The following MOB3B variants were observed in gnomAD, a reference collection of about 807,000 sequenced individuals.
MOB3B encodes MOB kinase activator 3B.
Under a neutral mutation model 18.7 loss-of-function variants are expected in MOB3B, and 7 were observed. That is an observed-to-expected ratio of 0.37 (90% confidence interval 0.21 to 0.70). The LOEUF is 0.70. MOB3B is among the 30% of genes least tolerant of loss of function. MOB3B has a pLI of 0.52. For missense variants in MOB3B, 253 were observed against 281.3 expected (o/e 0.90, Z 0.72); for synonymous variants, 111 against 99.9 (o/e 1.11, Z -0.66).
At chr9:27,331,176 T>G (rs1820783624) in intron 3 of MOB3B, among the ~76,000 whole-genome samples, 1 of 152,186 alleles carries the variant, frequency 6.6e-6, no homozygotes, top group African/African-American at 2.4e-5. Flanking sequence ...GTGTCTGACA[T>G]GCGTCACCTG....
intron 2 of MOB3B, among the ~76,000 whole-genome samples, chr9:27,388,789 C>A (rs2131380020): frequency 6.6e-6 from 1 of 152,260 alleles, no homozygotes; most frequent in East Asian, 1.9e-4. Flanking sequence ...GTGCCTTGGC[C>A]ATCTCCCTTT....
chr9:27,387,034 C>A (rs1018694906), intron 2 of MOB3B, among the ~76,000 whole-genome samples: 7 of 152,108 alleles, frequency 4.6e-5, no homozygotes, highest in Admixed American at 6.5e-5. Flanking sequence ...CTTCTGCGTA[C>A]CAAAATAAAA....
chr9:27,485,056 C>T (rs1352880885), intron 1 of MOB3B, among the ~76,000 whole-genome samples: 1 of 152,090 alleles, frequency 6.6e-6, no homozygotes, highest in Non-Finnish European at 1.5e-5. Flanking sequence ...AAGTGTTTTG[C>T]GTGGCCAGAT....
At chr9:27,522,242 C>A (rs1460371187) in intron 1 of MOB3B, among the ~76,000 whole-genome samples, 22 of 56,026 alleles carry the variant, frequency 3.9e-4, no homozygotes, top group Middle Eastern at 0.029. Flanking sequence ...CCCCGTCTCA[C>A]AAAAAAAAAA....
intron 3 of MOB3B, among the ~76,000 whole-genome samples, chr9:27,335,413 A>G (rs1820849234): frequency 1.3e-5 from 2 of 152,314 alleles, no homozygotes; most frequent in Non-Finnish European, 1.5e-5. Context: ...GGGCTCTCTG[A>G]CTTCACATTG....
At chr9:27,455,802 A>T in intron 1 of MOB3B, 54 bp from the exon 2 acceptor site, 1 of 1,375,884 alleles carries the variant, frequency 7.3e-7, no homozygotes, top group Non-Finnish European at 9.4e-7. Flanking sequence ...CCTTTAAAAA[A>T]TGACAGTCTT....
At chr9:27,472,943 G>A (rs1033841083) in intron 1 of MOB3B, among the ~76,000 whole-genome samples, 4 of 152,202 alleles carry the variant, frequency 2.6e-5, no homozygotes, top group Non-Finnish European at 4.4e-5. Context: ...TCACTTTGGT[G>A]CATCTCAAAT....
rs146546515 is a variant in MOB3B, at chr9:27,433,831, A to G, written c.418+21302T>C. ...AATCACTGCCAAGAGTGACCTTTAC[A>G]GAGCCTGCAGAGGTCAAGCAGCCTT... On this transcript the variant is annotated intron_variant, in intron 2 of 3. Transcript: ENST00000262244. Among the ~76,000 whole-genome samples the G allele has an allele frequency of 2.4e-3, 370 of 152,336 alleles. 1 individual carries two copies. Among genetic ancestry groups the G allele is most frequent in the African/African-American group, 8.2e-3 (343 of 41,594 alleles).
chr9:27,418,108 A>AAAAAAAAAAAAAAAAAAAAAAAAAAAC, intron 2 of MOB3B, among the ~76,000 whole-genome samples: 1 of 150,056 alleles, frequency 6.7e-6, no homozygotes, highest in Non-Finnish European at 1.5e-5. Context: ...AAAAAAAAAA[A>AAAAAAAAAAAAAAAAAAAAAAAAAAAC]AAAAGTAATA....
chr9:27,482,029 T>C (rs531438633), intron 1 of MOB3B, among the ~76,000 whole-genome samples: 1 of 151,280 alleles, frequency 6.6e-6, no homozygotes, highest in Non-Finnish European at 1.5e-5. Flanking sequence ...AGAGATAAGA[T>C]GAAACAAATG....
intron 1 of MOB3B, among the ~76,000 whole-genome samples, chr9:27,468,778 A>C (rs999861364): frequency 2.0e-5 from 3 of 152,234 alleles, no homozygotes; most frequent in Non-Finnish European, 4.4e-5. Flanking sequence ...TTCTTTCTCC[A>C]GTTGAGAGGA....
At chr9:27,389,413 A>T (rs753393929) in intron 2 of MOB3B, among the ~76,000 whole-genome samples, 27 of 79,236 alleles carry the variant, frequency 3.4e-4, no homozygotes, top group Non-Finnish European at 4.5e-5. Context: ...CTTCTTTCCA[A>T]TTACTTGAAC....
intron 1 of MOB3B, among the ~76,000 whole-genome samples, chr9:27,486,659 C>G (rs780533719): frequency 2.6e-5 from 4 of 152,192 alleles, no homozygotes; most frequent in Non-Finnish European, 5.9e-5. Flanking sequence ...TTAGTTAGCT[C>G]TGGCCTTCTA....
At chr9:27,487,210 T>C (rs1819741952) in intron 1 of MOB3B, among the ~76,000 whole-genome samples, 1 of 152,034 alleles carries the variant, frequency 6.6e-6, no homozygotes, top group Non-Finnish European at 1.5e-5. Context: ...TTTCTATAAG[T>C]CATGCCAGAC....
At position 27,328,299 on chromosome 9, in the gene MOB3B, G is replaced by A. The variant is rs1363099559; in HGVS notation, c.*2288C>T. The stretch of plus-strand genomic sequence containing the variant: ...CATTTATAACAGAGATGAACAGTTA[G>A]ATGCAGTCAAGCAGAGGAGATAAAA... On this transcript the variant is annotated 3_prime_UTR_variant, in exon 4 of 4. Coordinates refer to ENST00000262244, the MANE Select transcript of MOB3B (RefSeq NM_024761.5). 6.6e-6 allele frequency: 1 copy of A among 151,858 alleles called. No individual in the cohort carries two copies. Among genetic ancestry groups the A allele is most frequent in the Non-Finnish European group, 1.5e-5 (1 of 68,008 alleles). 9.4% of individuals were successfully genotyped at this position (151,858 alleles called of 1,614,324 possible). A position where few individuals can be genotyped will look rare whatever the true frequency, so the allele number is the denominator to read the frequency against.
chr9:27,440,241 T>A (rs1346568773), intron 2 of MOB3B, among the ~76,000 whole-genome samples: 1 of 152,208 alleles, frequency 6.6e-6, no homozygotes, highest in Non-Finnish European at 1.5e-5. Context: ...GTCTCTTTAA[T>A]GCTGACTGAT....
At chr9:27,343,942 A>AAAGCCAT (rs138399103) in intron 3 of MOB3B, among the ~76,000 whole-genome samples, 13,862 of 152,184 alleles carry the variant, frequency 0.091, 764 homozygotes, top group Admixed American at 0.14. Flanking sequence ...AACAAAAACA[A>AAAGCCAT]AAGCCATAGG....
chr9:27,507,236 G>A (rs1241486596), intron 1 of MOB3B, among the ~76,000 whole-genome samples: 1 of 152,180 alleles, frequency 6.6e-6, no homozygotes, highest in Non-Finnish European at 1.5e-5. Context: ...GTAAGTGGCA[G>A]GGCTGGGATC....
chr9:27,440,817 T>C (rs911194717), intron 2 of MOB3B, among the ~76,000 whole-genome samples: 1 of 152,076 alleles, frequency 6.6e-6, no homozygotes, highest in African/African-American at 2.4e-5. Flanking sequence ...TGAATACTGA[T>C]GTGAAATGCC....
Sources: allele counts gnomAD v4.1 joint callset (sites outside exome capture counted in the v4.1 genomes callset), GRCh38; gene constraint gnomAD v4.1.1; transcripts MANE v1.5; gene names NCBI Gene and HGNC (gene_info 2026-07-23, HGNC 2026-07-21).